The following FNDC1 variants were observed in gnomAD, a reference collection of about 807,000 sequenced individuals.
FNDC1 encodes fibronectin type III domain-containing protein 1.
A neutral mutation model predicts 168.0 loss-of-function variants in FNDC1; 96 were observed. That is an observed-to-expected ratio of 0.57 (90% CI 0.48 to 0.68). The LOEUF (loss-of-function observed/expected upper bound fraction) is 0.68, where lower values mean the gene tolerates loss of function less well. Ranked by LOEUF, FNDC1 falls within the 30% of genes least tolerant of loss-of-function variation. The pLI, the probability that FNDC1 is intolerant of heterozygous loss-of-function variation, is 0.00. For missense variants in FNDC1, 2,587 were observed against 2,482.1 expected, an observed-to-expected ratio of 1.04 and a Z score of -0.90; for synonymous variants, 1,099 against 1,025.9, an observed-to-expected ratio of 1.07 and a Z score of -1.36.
intron 16 of FNDC1, 76 bp from the exon 17 acceptor site, chr6:159,251,226 T>C: frequency 9.0e-7 from 1 of 1,116,184 alleles, no homozygotes; most frequent in South Asian, 1.4e-5. Context: ...GGTCTGACTC[T>C]GTGGAACAGA....
rs754286383 is a variant in FNDC1 at position 159,233,029 on chromosome 6, G to C, written c.2517G>C (p.Arg839=). The C allele has an allele frequency of 6.2e-7, 1 of 1,612,214 alleles. No homozygotes were observed. The highest frequency in any genetic ancestry group is 2.2e-5 in the East Asian group (1 of 44,828). The part of the protein sequence containing the change: ...GRSPSRFSIG[R]GPRLQPSSSP... ...CTCCAAGCAGGTTCAGCATTGGGCGGGGACCTCGGCTGCAGCCCTCCAGCT... is the reference window on the plus strand; with the variant it reads ...CTCCAAGCAGGTTCAGCATTGGGCGCGGACCTCGGCTGCAGCCCTCCAGCT... Residue 839 remains arginine (R), a synonymous_variant, in exon 11 of 23, where the codon CGG becomes CGC. Coordinates refer to ENST00000297267, the MANE Select transcript of FNDC1 (RefSeq NM_032532.3). This position sits in a 1 kb window ranked among gnomAD's most constrained non-coding sequence, Gnocchi z 4.6.
At chr6:159,211,454 A>G (rs1782604684) in intron 4 of FNDC1, among the ~76,000 whole-genome samples, 1 of 152,212 alleles carries the variant, frequency 6.6e-6, no homozygotes, top group South Asian at 2.1e-4. Flanking sequence ...GTTGATGAAG[A>G]TGAATAACGC....
chr6:159,257,718 C>T (rs1473302673), intron 18 of FNDC1, among the ~76,000 whole-genome samples: 3 of 152,276 alleles, frequency 2.0e-5, no homozygotes, highest in Middle Eastern at 3.4e-3. Context: ...GCCATTTGGG[C>T]CCGCTTGAGC....
At position 159,265,037 on chromosome 6, in the gene FNDC1, T is replaced by A. The variant is rs780629232; in HGVS notation, c.5284+33T>A. On this transcript the variant is annotated intron_variant, in intron 20 of 22. Coordinates refer to ENST00000297267, the MANE Select transcript of FNDC1 (RefSeq NM_032532.3). ...TATGTTCTTGATAATCTGGACATTC[T>A]GGTAATCAAGTTGAATATTGAATAT... 1.3e-5 allele frequency: 21 copies of A among 1,568,790 alleles called. 1 individual carries two copies. The South Asian group carries it at 2.2e-4, about 16-fold the overall frequency.
At chr6:159,220,976 C>T (rs928031397) in intron 5 of FNDC1, among the ~76,000 whole-genome samples, 8 of 152,190 alleles carry the variant, frequency 5.3e-5, no homozygotes, top group African/African-American at 1.7e-4. Context: ...GTGGGACCCT[C>T]GGAGGGTGCG....
chr6:159,248,558 C>A (rs1399259711), intron 15 of FNDC1, among the ~76,000 whole-genome samples: 2 of 152,088 alleles, frequency 1.3e-5, no homozygotes, highest in African/African-American at 2.4e-5. Context: ...CCTGCCTCGG[C>A]CTCCCAAAGT....
At chr6:159,236,108 C>A (rs1391001799) in intron 11 of FNDC1, 107 bp from the exon 12 acceptor site, 17 of 674,820 alleles carry the variant, frequency 2.5e-5, no homozygotes, top group Non-Finnish European at 4.3e-5. Context: ...CTGTTTAGAG[C>A]TTCTATTTGA....
At chr6:159,182,341 T>A (rs1781898527) in intron 1 of FNDC1, among the ~76,000 whole-genome samples, 5 of 152,060 alleles carry the variant, frequency 3.3e-5, no homozygotes, top group Admixed American at 3.3e-4. Context: ...TTTTGAGGAG[T>A]CAAAGATAGG....
intron 4 of FNDC1, 121 bp downstream of exon 4, chr6:159,200,702 AAC>A (rs1782361630): frequency 9.9e-6 from 7 of 710,614 alleles, no homozygotes; most frequent in Non-Finnish European, 1.7e-5. Flanking sequence ...TCGCTAAACT[AAC>A]ACACACGCCA....
intron 21 of FNDC1, among the ~76,000 whole-genome samples, chr6:159,266,680 GTTTTT>G (rs10616860): frequency 0.091 from 13,146 of 143,900 alleles, 952 homozygotes; most frequent in East Asian, 0.33. Flanking sequence ...GAAATCTAGG[GTTTTT>G]TTTTTTTTTT....
Position 159,261,188 on chromosome 6 carries a change from A to T in FNDC1, c.5175-2A>T. ...TCAAAATATATCTTCTTCCAACTTC[A>T]GGTATTATTTTAAAGTGCAAGCACA... On this transcript the variant is annotated splice_acceptor_variant, in intron 18 of 22. Coordinates refer to ENST00000297267, the MANE Select transcript of FNDC1 (RefSeq NM_032532.3). LOFTEE classifies it high-confidence loss of function. 6.2e-7 allele frequency: 1 copy of T among 1,605,838 alleles called. No homozygotes were observed. Among genetic ancestry groups the T allele is most frequent in the Non-Finnish European group, 8.5e-7 (1 of 1,175,228 alleles).
At position 159,232,009 on chromosome 6, in the gene FNDC1, G is replaced by A; in HGVS notation, c.1497G>A (p.Gly499=). The change falls in exon 11 of 23, where the codon GGG becomes GGA. Residue 499 remains glycine (G), a synonymous_variant. Coordinates refer to ENST00000297267, the MANE Select transcript of FNDC1 (RefSeq NM_032532.3). The surrounding 1 kb of genome is among the most constrained non-coding windows in gnomAD (Gnocchi z 4.9). ...CCTCTGTGCCTGCTTCTCCCCAAGG[G>A]AGAAATGCCAAGGACCTTCTTCTTG... ...QHPSVPASPQ[G]RNAKDLLLDL... is the part of the protein sequence containing the mutation. The A allele has an allele frequency of 6.2e-7, 1 of 1,613,976 alleles. No individual in the cohort carries two copies. Among genetic ancestry groups the A allele is most frequent in the South Asian group, 1.1e-5 (1 of 91,080 alleles).
intron 17 of FNDC1, among the ~76,000 whole-genome samples, chr6:159,255,143 G>C (rs1777346277): frequency 6.6e-6 from 1 of 152,144 alleles, no homozygotes; most frequent in Non-Finnish European, 1.5e-5. Context: ...TTTCTTTTAG[G>C]ATGAAAAGCA....
At position 159,169,578 on chromosome 6, in the gene FNDC1, G is replaced by T. The variant is rs922853757; in HGVS notation, c.-19G>T. 2.7e-5 allele frequency: 28 copies of T among 1,027,144 alleles called. No homozygotes were observed. Among genetic ancestry groups the T allele is most frequent in the Middle Eastern group, 8.3e-4 (2 of 2,420 alleles). The allele number at this position is 1,027,144 out of a possible 1,614,324, so 63.6% of individuals were successfully genotyped here. A position where few individuals can be genotyped will look rare whatever the true frequency, so the allele number is the denominator to read the frequency against. On this transcript the variant is annotated 5_prime_UTR_variant, in exon 1 of 23. Coordinates refer to ENST00000297267, the MANE Select transcript of FNDC1 (RefSeq NM_032532.3). This position sits in a 1 kb window ranked among gnomAD's most constrained non-coding sequence, Gnocchi z 6.8. ...CTGCCAGCCGCAAGCACCCAGCCCC[G>T]GCCCACCCCGGGCTCTCGATGGCCC...
chr6:159,236,357 G>A, intron 12 of FNDC1, 42 bp downstream of exon 12: 1 of 1,335,016 alleles, frequency 7.5e-7, no homozygotes, highest in Non-Finnish European at 1.1e-6. Flanking sequence ...TTTTCATGCT[G>A]TTGAGAAGAG....
At chr6:159,220,459 C>T (rs1403244381) in intron 5 of FNDC1, among the ~76,000 whole-genome samples, 1 of 152,158 alleles carries the variant, frequency 6.6e-6, no homozygotes, top group Non-Finnish European at 1.5e-5. Context: ...AAGATTAAAG[C>T]TGCAACAGGA....
chr6:159,226,196 ATCT>A (rs1232579898), intron 8 of FNDC1, among the ~76,000 whole-genome samples: 3 of 152,180 alleles, frequency 2.0e-5, no homozygotes, highest in African/African-American at 4.8e-5. Context: ...CTGGATCTTA[ATCT>A]TCTTTGTATA....
At chr6:159,262,378 A>G (rs1280859804) in intron 19 of FNDC1, among the ~76,000 whole-genome samples, 1 of 152,254 alleles carries the variant, frequency 6.6e-6, no homozygotes, top group East Asian at 1.9e-4. Context: ...AATCTTTTGT[A>G]AGAATATGCT....
intron 1 of FNDC1, among the ~76,000 whole-genome samples, chr6:159,180,447 G>T (rs1277250312): frequency 6.6e-6 from 1 of 152,112 alleles, no homozygotes; most frequent in Non-Finnish European, 1.5e-5. Context: ...TTACCAACAT[G>T]ATTCCTTTTC....
Sources: allele counts gnomAD v4.1 joint callset (sites outside exome capture counted in the v4.1 genomes callset), GRCh38; gene constraint gnomAD v4.1.1; non-coding constraint Gnocchi (gnomAD v3.1); transcripts MANE v1.5; gene names NCBI Gene and HGNC (gene_info 2026-07-23, HGNC 2026-07-21).